CNTN5: variants seen among roughly 807,000 people sequenced by gnomAD.
CNTN5 encodes the protein contactin-5.
In CNTN5, 77 loss-of-function variants were observed where a neutral mutation model predicts 129.1. The observed-to-expected ratio is 0.60, with a 90% CI of 0.50 to 0.72. The LOEUF is 0.72. Among genes scored for constraint, CNTN5 ranks in the 30% least tolerant of loss-of-function variants. CNTN5 has a pLI of 0.00. For missense variants in CNTN5, 1,478 were observed against 1,328.8 expected, an observed-to-expected ratio of 1.11 and a Z score of -1.75; for synonymous variants, 509 against 465.6, an observed-to-expected ratio of 1.09 and a Z score of -1.20.
At chr11:99,144,260 G>C (rs1859670982) in intron 1 of CNTN5, among the ~76,000 whole-genome samples, 1 of 152,084 alleles carries the variant, frequency 6.6e-6, no homozygotes, top group Non-Finnish European at 1.5e-5. Flanking sequence ...CTCATCTATA[G>C]TCTAGGGAAA....
intron 9 of CNTN5, among the ~76,000 whole-genome samples, chr11:100,008,914 G>A (rs1940349267): frequency 6.6e-6 from 1 of 152,034 alleles, no homozygotes; most frequent in Admixed American, 6.6e-5. Context: ...GGAAAGTACA[G>A]TTACCTTTTT....
rs928010393 is a variant in CNTN5, at chr11:100,038,424, T to C, written c.981-22788T>C. ...ATTTTGGAATAGGTGTGGTGTGGTG[T>C]TGAAAAGAATGTATATTCTGTTGAT... is the stretch of plus-strand genomic sequence containing the variant. On this transcript the variant is annotated intron_variant, in intron 9 of 24. Coordinates refer to ENST00000524871, the MANE Select transcript of CNTN5 (RefSeq NM_014361.4). 5.0e-3 allele frequency among the ~76,000 whole-genome samples: 751 copies of C among 151,330 alleles called. 6 individuals are homozygous for C. The highest frequency in any genetic ancestry group is 0.016 in the African/African-American group (651 of 41,354).
At chr11:99,708,479 A>G (rs1466699490) in intron 3 of CNTN5, among the ~76,000 whole-genome samples, 1 of 151,792 alleles carries the variant, frequency 6.6e-6, no homozygotes, top group African/African-American at 2.4e-5. Context: ...AAATAAAAAT[A>G]TAAAAGTCGA....
chr11:99,844,221 T>G (rs1286840874), intron 4 of CNTN5, among the ~76,000 whole-genome samples: 1 of 152,194 alleles, frequency 6.6e-6, no homozygotes, highest in Non-Finnish European at 1.5e-5. Flanking sequence ...TTTTGTCTTC[T>G]GATCTTATTG....
chr11:99,791,548 G>T (rs1020856667), intron 3 of CNTN5, among the ~76,000 whole-genome samples: 2 of 151,806 alleles, frequency 1.3e-5, no homozygotes, highest in Non-Finnish European at 3.0e-5. Context: ...GTTGGGTCAC[G>T]TGATGCCTCC....
chr11:99,335,475 A>G (rs1467432818), intron 2 of CNTN5, among the ~76,000 whole-genome samples: 1 of 151,942 alleles, frequency 6.6e-6, no homozygotes, highest in Non-Finnish European at 1.5e-5. Context: ...TACAATGAAA[A>G]TAGTTTAACA....
intron 13 of CNTN5, among the ~76,000 whole-genome samples, chr11:100,099,953 G>A (rs1026046530): frequency 6.6e-6 from 1 of 152,054 alleles, no homozygotes; most frequent in Non-Finnish European, 1.5e-5. Flanking sequence ...TGAACAGACT[G>A]TTTAGTGACA....
At chr11:100,187,282 T>C (rs540431360) in intron 13 of CNTN5, among the ~76,000 whole-genome samples, 10 of 152,212 alleles carry the variant, frequency 6.6e-5, no homozygotes, top group Middle Eastern at 3.4e-3. Flanking sequence ...CCAGGAGTCA[T>C]TTGGCAGTCT....
chr11:99,458,735 T>C (rs1173282390), intron 2 of CNTN5, among the ~76,000 whole-genome samples: 1 of 151,982 alleles, frequency 6.6e-6, no homozygotes, highest in Non-Finnish European at 1.5e-5. Context: ...AGCCTTGGTA[T>C]AGTGAGTCAT....
intron 21 of CNTN5, among the ~76,000 whole-genome samples, chr11:100,333,040 G>C (rs1009960749): frequency 2.0e-5 from 3 of 150,914 alleles, no homozygotes; most frequent in Admixed American, 6.6e-5. Flanking sequence ...TATACATGAA[G>C]ACAAAAAAGC....
intron 4 of CNTN5, among the ~76,000 whole-genome samples, chr11:99,821,603 C>A (rs1946803695): frequency 6.6e-6 from 1 of 151,760 alleles, no homozygotes; most frequent in Admixed American, 6.6e-5. Context: ...TTTTACTGTA[C>A]CCATAATAAT....
At chr11:99,962,938 T>A (rs983220807) in intron 8 of CNTN5, among the ~76,000 whole-genome samples, 5 of 150,904 alleles carry the variant, frequency 3.3e-5, no homozygotes, top group African/African-American at 1.2e-4. Context: ...ATGTGTTTTT[T>A]GGCTGTATAA....
chr11:100,216,689 T>C (rs1752730299), intron 15 of CNTN5, among the ~76,000 whole-genome samples: 1 of 152,176 alleles, frequency 6.6e-6, no homozygotes, highest in South Asian at 2.1e-4. Context: ...CAGCCTTTTA[T>C]GCCTAGATGC....
At chr11:99,483,900 A>G (rs1438973234) in intron 2 of CNTN5, among the ~76,000 whole-genome samples, 1 of 152,148 alleles carries the variant, frequency 6.6e-6, no homozygotes, top group Non-Finnish European at 1.5e-5. Context: ...CTATACAAAA[A>G]TTAACTCAAA....
intron 1 of CNTN5, among the ~76,000 whole-genome samples, chr11:99,183,658 T>C (rs1231733804): frequency 6.6e-5 from 10 of 152,148 alleles, no homozygotes; most frequent in Admixed American, 6.6e-4. Flanking sequence ...TCCTCGGTTT[T>C]CTTCTCTTCC....
At chr11:99,272,376 T>C (rs1273058262) in intron 1 of CNTN5, among the ~76,000 whole-genome samples, 1 of 151,584 alleles carries the variant, frequency 6.6e-6, no homozygotes, top group African/African-American at 2.4e-5. Flanking sequence ...TATAGAAAGA[T>C]AACAAATGCA....
intron 1 of CNTN5, among the ~76,000 whole-genome samples, chr11:99,134,750 A>G (rs900191998): frequency 3.3e-5 from 5 of 152,158 alleles, no homozygotes; most frequent in Non-Finnish European, 5.9e-5. Flanking sequence ...CAAACAAAAC[A>G]AAATAAATTA....
At chr11:99,756,942 G>C (rs1400797424) in intron 3 of CNTN5, among the ~76,000 whole-genome samples, 1 of 145,184 alleles carries the variant, frequency 6.9e-6, no homozygotes, top group Non-Finnish European at 1.5e-5. Flanking sequence ...AGAAACATTT[G>C]ACTAAAACAA....
intron 1 of CNTN5, among the ~76,000 whole-genome samples, chr11:99,248,115 C>G (rs969210811): frequency 5.3e-5 from 8 of 152,166 alleles, no homozygotes; most frequent in Non-Finnish European, 8.8e-5. Context: ...ACATCTTCTC[C>G]AGCACCTGTT....
Sources: allele counts gnomAD v4.1 joint callset (sites outside exome capture counted in the v4.1 genomes callset), GRCh38; gene constraint gnomAD v4.1.1; transcripts MANE v1.5; gene names NCBI Gene and HGNC (gene_info 2026-07-23, HGNC 2026-07-21).